LRMDA: variants seen among roughly 807,000 people sequenced by gnomAD.
The protein encoded by LRMDA is leucine-rich melanocyte differentiation-associated protein.
Under a neutral mutation model 29.8 loss-of-function variants are expected in LRMDA, and 18 were observed. That is an observed-to-expected ratio of 0.60 (90% CI 0.42 to 0.90). LRMDA has a LOEUF of 0.90. LRMDA is among the 40% of genes least tolerant of loss of function. The pLI is 0.00. For missense variants in LRMDA, 273 were observed against 273.9 expected, an observed-to-expected ratio of 1.00 and a Z score of 0.02; for synonymous variants, 125 against 109.4, an observed-to-expected ratio of 1.14 and a Z score of -0.89.
intron 6 of LRMDA, among the ~76,000 whole-genome samples, chr10:76,460,632 T>C (rs1481162087): frequency 6.6e-6 from 1 of 152,258 alleles, no homozygotes; most frequent in Admixed American, 6.5e-5. Flanking sequence ...TTCTTGATTC[T>C]CTCAGGGTGC....
intron 5 of LRMDA, among the ~76,000 whole-genome samples, chr10:76,159,446 G>A (rs1314403338): frequency 6.6e-6 from 1 of 152,150 alleles, no homozygotes; most frequent in Non-Finnish European, 1.5e-5. Context: ...GAAACAAAAT[G>A]AGACAGCCAC....
At chr10:75,887,800 C>A (rs573402043) in intron 2 of LRMDA, among the ~76,000 whole-genome samples, 19 of 152,144 alleles carry the variant, frequency 1.2e-4, no homozygotes, top group Non-Finnish European at 1.9e-4. Flanking sequence ...TCTCACCTAG[C>A]TGAGTTCTGA....
At chr10:75,880,555 C>T (rs905065358) in intron 2 of LRMDA, among the ~76,000 whole-genome samples, 4 of 152,192 alleles carry the variant, frequency 2.6e-5, no homozygotes, top group African/African-American at 9.6e-5. Context: ...CCAGGAAGTT[C>T]TGGCAAGCTA....
intron 2 of LRMDA, among the ~76,000 whole-genome samples, chr10:75,522,965 A>G (rs1306506708): frequency 6.6e-6 from 1 of 152,180 alleles, no homozygotes; most frequent in East Asian, 1.9e-4. Context: ...TATGTGGTGA[A>G]GGAGATGGCA....
chr10:75,927,074 A>G (rs956841184), intron 2 of LRMDA, among the ~76,000 whole-genome samples: 6 of 152,194 alleles, frequency 3.9e-5, no homozygotes, highest in African/African-American at 1.4e-4. Flanking sequence ...CAACTCTTGA[A>G]TCAAAGAATT....
intron 2 of LRMDA, among the ~76,000 whole-genome samples, chr10:75,657,957 C>A (rs997641841): frequency 6.6e-6 from 1 of 152,084 alleles, no homozygotes; most frequent in African/African-American, 2.4e-5. Flanking sequence ...CAGTGCATCC[C>A]GAGAGAGACA....
At chr10:75,978,489 G>A (rs1847111836) in intron 2 of LRMDA, among the ~76,000 whole-genome samples, 1 of 152,162 alleles carries the variant, frequency 6.6e-6, no homozygotes, top group South Asian at 2.1e-4. Context: ...TCATTGGCCA[G>A]AGTTTAGTCA....
chr10:75,434,496 G>T (rs910499391), intron 1 of LRMDA, among the ~76,000 whole-genome samples: 1 of 152,148 alleles, frequency 6.6e-6, no homozygotes, highest in African/African-American at 2.4e-5. Context: ...TGACTCATCC[G>T]CGACAACACA....
At chr10:76,106,190 ATTC>A (rs1414927099) in intron 5 of LRMDA, among the ~76,000 whole-genome samples, 1 of 152,330 alleles carries the variant, frequency 6.6e-6, no homozygotes, top group African/African-American at 2.4e-5. Flanking sequence ...ATTTGAAATA[ATTC>A]TTCTGCTTTT....
At chr10:76,104,901 T>G (rs1392667144) in intron 5 of LRMDA, among the ~76,000 whole-genome samples, 2 of 152,114 alleles carry the variant, frequency 1.3e-5, no homozygotes, top group African/African-American at 4.8e-5. Flanking sequence ...CCAACCATAC[T>G]GGCTCCATTG....
intron 2 of LRMDA, among the ~76,000 whole-genome samples, chr10:75,711,824 CCCCCA>C (rs1254353082): frequency 1.3e-5 from 2 of 151,962 alleles, no homozygotes; most frequent in East Asian, 3.9e-4. Context: ...AATAAGCTTT[CCCCCA>C]CCCCGTGAAA....
chr10:76,456,040 G>T (rs1256738581), intron 6 of LRMDA, among the ~76,000 whole-genome samples: 3 of 152,260 alleles, frequency 2.0e-5, no homozygotes, highest in South Asian at 4.1e-4. Flanking sequence ...GGGCTGGGTT[G>T]TTGGGCTTGG....
Position 76,102,190 on chromosome 10 carries a change from G to T in LRMDA, c.516+43407G>T, listed in dbSNP as rs374931370. Reference sequence around the variant, plus strand: ...CATTCATCCTTTGATGGACGTTTGGGTGTTTCCATCTTTTCACTATTGTGA... The same window carrying T: ...CATTCATCCTTTGATGGACGTTTGGTTGTTTCCATCTTTTCACTATTGTGA... On this transcript the variant is annotated intron_variant, in intron 5 of 6. Coordinates refer to ENST00000611255, the MANE Select transcript of LRMDA (RefSeq NM_001305581.2). Among the ~76,000 whole-genome samples, 8 of 152,086 alleles carry T rather than the reference G, an allele frequency of 5.3e-5. No individual in the cohort carries two copies. The East Asian group carries it at 7.7e-4, about 15-fold the overall frequency.
chr10:76,310,845 G>A (rs1347009780), intron 5 of LRMDA, among the ~76,000 whole-genome samples: 1 of 152,100 alleles, frequency 6.6e-6, no homozygotes, highest in African/African-American at 2.4e-5. Flanking sequence ...GAAAGCAAAA[G>A]GAAAACACAG....
At chr10:76,139,961 C>T (rs1850168810) in intron 5 of LRMDA, among the ~76,000 whole-genome samples, 1 of 152,032 alleles carries the variant, frequency 6.6e-6, no homozygotes. Context: ...AGTTCAAATA[C>T]TGTTTGGAAA....
intron 5 of LRMDA, among the ~76,000 whole-genome samples, chr10:76,132,966 CTTTTTTTT>C (rs35997711): frequency 0.016 from 911 of 57,402 alleles, 27 homozygotes; most frequent in African/African-American, 0.059. Context: ...CCACGCCCGG[CTTTTTTTT>C]TTTTTTTTTT....
chr10:76,465,354 CT>C (rs1369488339), intron 6 of LRMDA, among the ~76,000 whole-genome samples: 2 of 152,116 alleles, frequency 1.3e-5, no homozygotes, highest in African/African-American at 2.4e-5. Context: ...GTGTCATTTC[CT>C]TTCTGTAAGT....
intron 5 of LRMDA, among the ~76,000 whole-genome samples, chr10:76,096,868 A>T (rs1039328692): frequency 6.6e-6 from 1 of 152,110 alleles, no homozygotes; most frequent in Non-Finnish European, 1.5e-5. Flanking sequence ...TATAAATGGT[A>T]TGAGCTTCGA....
rs550583040 is a variant in LRMDA at position 75,432,636 on chromosome 10, A to G, written c.30+882A>G. On this transcript the variant is annotated intron_variant, in intron 1 of 6. Coordinates refer to ENST00000611255, the MANE Select transcript of LRMDA (RefSeq NM_001305581.2). ...CTGGAGAAATAGTTCTGAGTTTTTG[A>G]AGCTCTCCTCTTGGATTGCCTAAGG... Among the ~76,000 whole-genome samples the G allele has an allele frequency of 7.9e-5, 12 of 152,300 alleles. No homozygotes were observed. The South Asian group carries it at 2.1e-3, about 26-fold the overall frequency.
Sources: allele counts gnomAD v4.1 joint callset (sites outside exome capture counted in the v4.1 genomes callset), GRCh38; gene constraint gnomAD v4.1.1; transcripts MANE v1.5; gene names NCBI Gene and HGNC (gene_info 2026-07-23, HGNC 2026-07-21).